The following MDGA2 variants were observed in gnomAD, a reference collection of about 807,000 sequenced individuals.
The protein encoded by MDGA2 is MAM domain-containing glycosylphosphatidylinositol anchor protein 2.
A neutral mutation model predicts 117.8 loss-of-function variants in MDGA2; 40 were observed. The ratio of observed to expected loss-of-function variants is 0.34; its 90% CI spans 0.26 to 0.44. The LOEUF is 0.44. Ranked by LOEUF, MDGA2 falls within the 20% of genes least tolerant of loss-of-function variation. The pLI, the probability that MDGA2 is intolerant of heterozygous loss-of-function variation, is 1.00. For missense variants in MDGA2, 1,123 were observed against 1,250.6 expected (o/e 0.90, Z 1.54); for synonymous variants, 452 against 439.0 (o/e 1.03, Z -0.37).
At chr14:47,166,966 G>A (rs900177430) in intron 3 of MDGA2, among the ~76,000 whole-genome samples, 3 of 152,156 alleles carry the variant, frequency 2.0e-5, no homozygotes, top group South Asian at 2.1e-4. Flanking sequence ...CCAAGTATCC[G>A]GCACATAGAA....
intron 1 of MDGA2, among the ~76,000 whole-genome samples, chr14:47,657,148 A>T (rs928360751): frequency 1.3e-5 from 2 of 152,130 alleles, no homozygotes; most frequent in African/African-American, 4.8e-5. Context: ...AAGTCTTCCC[A>T]GGTAAGGGCT....
intron 1 of MDGA2, among the ~76,000 whole-genome samples, chr14:47,377,760 C>T (rs769138796): frequency 2.0e-5 from 3 of 152,128 alleles, no homozygotes; most frequent in South Asian, 2.1e-4. Context: ...GAGGTATGCC[C>T]GCCTCTGTAG....
intron 14 of MDGA2, chr14:46,871,860 C>A: frequency 2.7e-6 from 1 of 368,606 alleles, no homozygotes; most frequent in Non-Finnish European, 5.7e-6. Flanking sequence ...TTCTCAAAAG[C>A]TTTCTGGCTG....
At chr14:47,491,289 C>A (rs1436564684) in intron 1 of MDGA2, among the ~76,000 whole-genome samples, 1 of 152,048 alleles carries the variant, frequency 6.6e-6, no homozygotes, top group African/African-American at 2.4e-5. Flanking sequence ...CCTAAAACCA[C>A]TGAACACCAA....
At chr14:47,577,306 C>T (rs574167898) in intron 1 of MDGA2, among the ~76,000 whole-genome samples, 7 of 152,144 alleles carry the variant, frequency 4.6e-5, no homozygotes, top group East Asian at 1.9e-4. Context: ...GGGTTAAAGA[C>T]GTAAATGTAA....
At position 47,358,555 on chromosome 14, in the gene MDGA2, G is replaced by A. The variant is rs148384923; in HGVS notation, c.281-57005C>T. On this transcript the variant is annotated intron_variant, in intron 1 of 16. Transcript: ENST00000399232. Reference sequence around the variant, plus strand: ...ATTTGCAGAAGACATGATCCTATACGTAGAAAACCCTAAAGACAGCACCAA... The same window carrying A: ...ATTTGCAGAAGACATGATCCTATACATAGAAAACCCTAAAGACAGCACCAA... 2.7e-3 allele frequency among the ~76,000 whole-genome samples: 414 copies of A among 152,208 alleles called. 3 individuals are homozygous for A. The highest frequency in any genetic ancestry group is 0.01 in the Admixed American group (154 of 15,274).
intron 7 of MDGA2, among the ~76,000 whole-genome samples, chr14:47,060,347 T>C (rs1213117403): frequency 6.6e-6 from 1 of 152,106 alleles, no homozygotes; most frequent in Non-Finnish European, 1.5e-5. Flanking sequence ...AGGCACAAAA[T>C]TATAGGTGAA....
intron 5 of MDGA2, among the ~76,000 whole-genome samples, chr14:47,101,054 G>A (rs1406563438): frequency 6.6e-6 from 1 of 151,042 alleles, no homozygotes; most frequent in African/African-American, 2.4e-5. Flanking sequence ...CTGTAGTGGG[G>A]ATACTTGATG....
rs1330565695 is a variant in MDGA2 at position 47,079,738 on chromosome 14, T to TTTTTTTTTTTTC, written c.1195+17115_1195+17116insGAAAAAAAAAAA. ...CCGATTTTCTACTAATTTTTTTTTTTTTTTTTTTTTTGAGACAGAGTCTCG... is the reference window on the plus strand; with the variant it reads ...CCGATTTTCTACTAATTTTTTTTTTTTTTTTTTTTTTCTTTTTTTTTTTGAGACAGAGTCTCG... On this transcript the variant is annotated intron_variant, in intron 6 of 16. Transcript: ENST00000399232. Among the ~76,000 whole-genome samples, 3 of 130,040 alleles carry TTTTTTTTTTTTC rather than the reference T, an allele frequency of 2.3e-5. No homozygotes were observed. In the East Asian group the frequency reaches 7.2e-4, roughly 31 times the overall value. 85.3% of individuals were successfully genotyped at this position (130,040 alleles called of 152,430 possible).
At chr14:47,530,670 C>T (rs1362256953) in intron 1 of MDGA2, among the ~76,000 whole-genome samples, 3 of 152,034 alleles carry the variant, frequency 2.0e-5, no homozygotes, top group African/African-American at 7.2e-5. Context: ...CCCCCTGGAC[C>T]CCCTATCTTG....
intron 2 of MDGA2, among the ~76,000 whole-genome samples, chr14:47,249,962 A>C (rs1594753151): frequency 1.3e-5 from 2 of 152,210 alleles, no homozygotes; most frequent in African/African-American, 2.4e-5. Context: ...GAAAAGCTAA[A>C]AGAGAACACC....
At chr14:47,422,974 T>G (rs975377640) in intron 1 of MDGA2, among the ~76,000 whole-genome samples, 1 of 152,138 alleles carries the variant, frequency 6.6e-6, no homozygotes, top group African/African-American at 2.4e-5. Flanking sequence ...CCTGTTAATC[T>G]TAAACGATTA....
At chr14:47,580,471 A>G (rs186778751) in intron 1 of MDGA2, among the ~76,000 whole-genome samples, 1 of 152,168 alleles carries the variant, frequency 6.6e-6, no homozygotes, top group Non-Finnish European at 1.5e-5. Context: ...AGGGTATACA[A>G]ATATCTAGAC....
intron 8 of MDGA2, among the ~76,000 whole-genome samples, chr14:47,015,252 T>A (rs1888040703): frequency 6.7e-6 from 1 of 149,022 alleles, no homozygotes. Flanking sequence ...ATAATAATAA[T>A]AAAAAAGTTT....
At chr14:47,033,042 C>T (rs575451607) in intron 8 of MDGA2, among the ~76,000 whole-genome samples, 1 of 152,226 alleles carries the variant, frequency 6.6e-6, no homozygotes, top group South Asian at 2.1e-4. Flanking sequence ...CTAAACTTTG[C>T]CTGTGTCTAT....
chr14:46,897,885 A>C (rs2138436523), intron 10 of MDGA2, among the ~76,000 whole-genome samples: 1 of 152,048 alleles, frequency 6.6e-6, no homozygotes, highest in South Asian at 2.1e-4. Context: ...ATTTTTGGAA[A>C]TCGGAAAATT....
At chr14:47,595,171 A>G (rs1431665295) in intron 1 of MDGA2, among the ~76,000 whole-genome samples, 1 of 152,134 alleles carries the variant, frequency 6.6e-6, no homozygotes, top group Non-Finnish European at 1.5e-5. Context: ...TGGACATGGC[A>G]AGTGACTAAT....
chr14:47,343,233 T>A, intron 1 of MDGA2: 1 of 1,144,696 alleles, frequency 8.7e-7, no homozygotes, highest in African/African-American at 1.6e-5. Flanking sequence ...GTTTGTTTTT[T>A]TCAGGAACGA....
chr14:46,870,466 AAG>A (rs1244483796), intron 14 of MDGA2, among the ~76,000 whole-genome samples: 2 of 151,964 alleles, frequency 1.3e-5, no homozygotes, highest in Admixed American at 6.6e-5. Flanking sequence ...AATATATGCA[AAG>A]AGGGGATGTT....
Sources: allele counts gnomAD v4.1 joint callset (sites outside exome capture counted in the v4.1 genomes callset), GRCh38; gene constraint gnomAD v4.1.1; transcripts MANE v1.5; gene names NCBI Gene and HGNC (gene_info 2026-07-23, HGNC 2026-07-21).